The following RETREG3 variants were observed in gnomAD, a reference collection of about 807,000 sequenced individuals.
RETREG3 encodes the protein reticulophagy regulator 3.
A neutral mutation model predicts 50.2 loss-of-function variants in RETREG3; 23 were observed. The ratio of observed to expected loss-of-function variants is 0.46; its 90% CI spans 0.33 to 0.65. RETREG3 has a LOEUF of 0.65. Among genes scored for constraint, RETREG3 ranks in the 30% least tolerant of loss-of-function variants. The pLI is 0.02. For missense variants in RETREG3, 546 were observed against 598.0 expected (o/e 0.91, Z 0.91); for synonymous variants, 240 against 234.4 (o/e 1.02, Z -0.22).
At chr17:42,608,787 C>CTT in intron 1 of RETREG3, 1 of 363,628 alleles carries the variant, frequency 2.8e-6, no homozygotes, top group Non-Finnish European at 5.0e-6. Flanking sequence ...CTTTGTCGGG[C>CTT]TCAAAAGAGG....
intron 1 of RETREG3, among the ~76,000 whole-genome samples, chr17:42,592,919 G>A (rs577346120): frequency 7.9e-5 from 12 of 152,192 alleles, no homozygotes; most frequent in East Asian, 5.8e-4. Context: ...CCCAAGAGGC[G>A]GAGGTTACAG....
At chr17:42,596,359 C>CAAA (rs60457978) in intron 1 of RETREG3, among the ~76,000 whole-genome samples, 7 of 64,712 alleles carry the variant, frequency 1.1e-4, no homozygotes, top group African/African-American at 2.6e-4. Context: ...GACCCTTTCT[C>CAAA]AAAAAAAAAA....
intron 4 of RETREG3, 187 bp from the exon 5 acceptor site, chr17:42,586,324 T>G (rs146077445): frequency 1.3e-4 from 75 of 595,470 alleles, no homozygotes; most frequent in African/African-American, 1.2e-3. Flanking sequence ...TTCAAACTCC[T>G]TTTACATGGC....
intron 1 of RETREG3, among the ~76,000 whole-genome samples, chr17:42,600,049 T>C (rs2093155714): frequency 6.6e-6 from 1 of 150,420 alleles, no homozygotes; most frequent in Non-Finnish European, 1.5e-5. Context: ...AATTGGTTTG[T>C]GGGGAAAAAA....
chr17:42,594,284 G>A (rs1300564741), intron 1 of RETREG3, among the ~76,000 whole-genome samples: 1 of 152,234 alleles, frequency 6.6e-6, no homozygotes, highest in African/African-American at 2.4e-5. Context: ...GACTAGGCAT[G>A]GTGGCTGACG....
intron 1 of RETREG3, among the ~76,000 whole-genome samples, chr17:42,607,210 A>C (rs80123362): frequency 0.016 from 2,417 of 152,174 alleles, 71 homozygotes; most frequent in African/African-American, 0.055. Flanking sequence ...TCAAGGAAGA[A>C]GCACTTGGCT....
At chr17:42,604,590 A>G (rs895627144) in intron 1 of RETREG3, among the ~76,000 whole-genome samples, 1 of 150,628 alleles carries the variant, frequency 6.6e-6, no homozygotes, top group Non-Finnish European at 1.5e-5. Flanking sequence ...GGACTGCTGG[A>G]GCCCAGGAGG....
chr17:42,590,022 G>A (rs770330781), intron 2 of RETREG3, among the ~76,000 whole-genome samples: 5 of 152,038 alleles, frequency 3.3e-5, no homozygotes, highest in African/African-American at 9.7e-5. Context: ...CCAACATGGC[G>A]AAACCCCATT....
chr17:42,585,928 A>G (rs2093120302), intron 5 of RETREG3, 125 bp downstream of exon 5: 2 of 859,686 alleles, frequency 2.3e-6, no homozygotes, highest in Non-Finnish European at 3.8e-6. Flanking sequence ...AGGTCATGAA[A>G]ATATGCAAAG....
At chr17:42,592,261 G>A in intron 1 of RETREG3, 99 bp from the exon 2 acceptor site, 1 of 907,148 alleles carries the variant, frequency 1.1e-6, no homozygotes, top group Non-Finnish European at 1.7e-6. Flanking sequence ...AAACAGACTT[G>A]AGGTCTAGCT....
intron 7 of RETREG3, among the ~76,000 whole-genome samples, chr17:42,583,108 C>A (rs79264802): frequency 0.015 from 2,265 of 152,176 alleles, 56 homozygotes; most frequent in African/African-American, 0.052. Flanking sequence ...GAGTCAATTA[C>A]CCACTTACTT....
chr17:42,594,425 G>A (rs541599039), intron 1 of RETREG3, among the ~76,000 whole-genome samples: 6 of 152,164 alleles, frequency 3.9e-5, no homozygotes, highest in Non-Finnish European at 7.4e-5. Context: ...GTGCAGTGGC[G>A]TGCCTGTAGT....
Position 42,586,672 on chromosome 17 carries a change from T to C in RETREG3, c.504+93A>G, listed in dbSNP as rs2093121920. 21 of 1,499,384 alleles carry C rather than the reference T, an allele frequency of 1.4e-5. No homozygotes were observed. In the South Asian group the frequency reaches 2.7e-4, roughly 20 times the overall value. 92.9% of individuals were successfully genotyped at this position (1,499,384 alleles called of 1,614,324 possible). ...TATGAACATCATAGTCTTTACTTTC[T>C]TGAATGAAGACACATAGTAAAGGAG... On this transcript the variant is annotated intron_variant, in intron 4 of 8. Transcript: ENST00000309428.
At chr17:42,607,651 A>T (rs562402812) in intron 1 of RETREG3, among the ~76,000 whole-genome samples, 1 of 152,072 alleles carries the variant, frequency 6.6e-6, no homozygotes, top group Middle Eastern at 3.4e-3. Context: ...CTAAAAAAAT[A>T]CAAAATTAGC....
At position 42,581,861 on chromosome 17, in the gene RETREG3, G is replaced by T. The variant is rs754760711; in HGVS notation, c.1353C>A (p.Asp451Glu). Reference sequence around the variant, plus strand: ...GGTCCAGCTGACTCAGCTCCGACTGGTCCAGAAGTTCAAAGTCATCCCCCT... The same window carrying T: ...GGTCCAGCTGACTCAGCTCCGACTGTTCCAGAAGTTCAAAGTCATCCCCCT... ...DAEGDDFELLDQSELSQLDPA... is the reference protein window; with the variant it reads ...DAEGDDFELLEQSELSQLDPA... Residue 451 changes from aspartate (D) to glutamate (E), a missense_variant, in exon 9 of 9, where the codon GAC becomes GAA. By Grantham distance (45) the Asp-to-Glu change is conservative. Transcript: ENST00000309428. 3 of 1,611,834 alleles carry T rather than the reference G, an allele frequency of 1.9e-6. No homozygotes were observed. In the South Asian group the frequency reaches 3.3e-5, roughly 18 times the overall value.
chr17:42,586,114 T>C lies in RETREG3; in HGVS notation c.528A>G (p.Ile176Met). The change falls in exon 5 of 9, where the codon ATA (isoleucine) becomes ATG (methionine). Residue 176 changes from isoleucine to methionine, a missense_variant. Coordinates refer to ENST00000309428, the MANE Select transcript of RETREG3 (RefSeq NM_178126.4). Reference protein sequence around the residue: ...PGKFCLLSCGILTFLAVLGRY... With the variant: ...PGKFCLLSCGMLTFLAVLGRY... ...GGCCCAAGACAGCCAAAAAGGTCAGTATCCCACAGCTCAGCAAGCAGAACT... is the reference window on the plus strand; with the variant it reads ...GGCCCAAGACAGCCAAAAAGGTCAGCATCCCACAGCTCAGCAAGCAGAACT... 1 of 1,613,996 alleles carries C rather than the reference T, an allele frequency of 6.2e-7. No homozygotes were observed. The highest frequency in any genetic ancestry group is 1.3e-5 in the African/African-American group (1 of 74,994).
At chr17:42,592,938 G>A (rs1017790647) in intron 1 of RETREG3, among the ~76,000 whole-genome samples, 1 of 152,112 alleles carries the variant, frequency 6.6e-6, no homozygotes, top group African/African-American at 2.4e-5. Context: ...AGTGAGCCAA[G>A]ATCATGCCAC....
At position 42,585,106 on chromosome 17, in the gene RETREG3, A is replaced by G; in HGVS notation, c.727+19T>C. 6.2e-7 allele frequency: 1 copy of G among 1,610,758 alleles called. No individual in the cohort carries two copies. The highest frequency in any genetic ancestry group is 1.3e-5 in the African/African-American group (1 of 74,982). Reference sequence around the variant, plus strand: ...GCCCCAAATTGCGTAAGTGGAAAGAATGACACCATGACACTTACATTGTCT... The same window carrying G: ...GCCCCAAATTGCGTAAGTGGAAAGAGTGACACCATGACACTTACATTGTCT... On this transcript the variant is annotated intron_variant, in intron 6 of 8. Transcript: ENST00000309428.
At chr17:42,588,287 C>T (rs964489331) in intron 2 of RETREG3, among the ~76,000 whole-genome samples, 2 of 152,188 alleles carry the variant, frequency 1.3e-5, no homozygotes, top group Admixed American at 6.5e-5. Flanking sequence ...AGAGTCTTCT[C>T]GCTCTGTTGC....
Sources: gnomAD v4.1 joint callset for allele counts (sites outside exome capture counted in the v4.1 genomes callset) on GRCh38, gnomAD v4.1.1 for gene constraint, MANE v1.5 for transcripts, NCBI Gene and HGNC (gene_info 2026-07-23, HGNC 2026-07-21) for gene names.